The following PPP4R3B variants were observed in gnomAD, a reference collection of about 807,000 sequenced individuals.
PPP4R3B encodes serine/threonine-protein phosphatase 4 regulatory subunit 3B.
A neutral mutation model predicts 95.4 loss-of-function variants in PPP4R3B; 52 were observed. The ratio of observed to expected loss-of-function variants is 0.54; its 90% confidence interval spans 0.44 to 0.69. The LOEUF is 0.69. Ranked by LOEUF, PPP4R3B falls within the 30% of genes least tolerant of loss-of-function variation. PPP4R3B has a pLI of 0.00. For missense variants in PPP4R3B, 1,003 were observed against 1,005.9 expected (o/e 1.00, Z 0.04); for synonymous variants, 407 against 343.9 (o/e 1.18, Z -2.03).
chr2:55,585,132 T>G lies in PPP4R3B; in HGVS notation c.1152A>C (p.Thr384=). 2 of 1,610,886 alleles carry G rather than the reference T, an allele frequency of 1.2e-6. No homozygotes were observed. Among genetic ancestry groups the G allele is most frequent in the Non-Finnish European group, 1.7e-6 (2 of 1,178,784 alleles). Residue 384 remains threonine (T), a synonymous_variant, in exon 7 of 17, where the codon ACA becomes ACC. Transcript: ENST00000616407. ...ATTCTACTAGATAAGAAAATATATC[T>G]GTAGCAGCTGATCTGACTTGCAAAT... ...MDDLQVRSAA[T]DIFSYLVEFS...
intron 16 of PPP4R3B, among the ~76,000 whole-genome samples, chr2:55,556,423 A>G (rs1033906529): frequency 6.6e-6 from 1 of 152,222 alleles, no homozygotes; most frequent in Non-Finnish European, 1.5e-5. Flanking sequence ...AACAGAAAAT[A>G]TAACAGGAAA....
In PPP4R3B at chr2:55,598,865, G is replaced by C. The variant is rs143951318; in HGVS notation, c.472C>G (p.Arg158Gly). The change falls in exon 4 of 17, where the codon CGT (arginine) becomes GGT (glycine). Residue 158 changes from arginine (R) to glycine (G), a missense_variant. This residue lies in a region of PPP4R3B where 695 missense variants were observed against 686.2 expected (regional missense o/e 1.01). Transcript: ENST00000616407. Reference protein sequence around the residue: ...LVTSVLSSPIRREKLALALEN... With the variant: ...LVTSVLSSPIGREKLALALEN... ...AAGGCGAGAGCCAGCTTTTCCCTAC[G>C]GATAGGTGAGGAGAGCACTGAGGTA... is the stretch of plus-strand genomic sequence containing the variant. 5 of 1,614,152 alleles carry C rather than the reference G, an allele frequency of 3.1e-6. No individual in the cohort carries two copies. Among genetic ancestry groups the C allele is most frequent in the Non-Finnish European group, 1.7e-6 (2 of 1,180,032 alleles).
chr2:55,593,413 C>A (rs1691309528), intron 4 of PPP4R3B, among the ~76,000 whole-genome samples: 1 of 152,158 alleles, frequency 6.6e-6, no homozygotes, highest in Admixed American at 6.5e-5. Context: ...TTCGTACTAC[C>A]TCACTTCGGC....
intron 2 of PPP4R3B, among the ~76,000 whole-genome samples, chr2:55,612,056 A>G (rs1694243454): frequency 1.3e-5 from 2 of 152,200 alleles, no homozygotes; most frequent in Non-Finnish European, 1.5e-5. Flanking sequence ...TTAATACAGC[A>G]AAATGGCCTA....
At chr2:55,609,164 T>C (rs1398748081) in intron 2 of PPP4R3B, among the ~76,000 whole-genome samples, 2 of 152,184 alleles carry the variant, frequency 1.3e-5, no homozygotes, top group African/African-American at 2.4e-5. Context: ...TAAAAATTCA[T>C]AATTCATCTG....
chr2:55,579,569 T>G, intron 9 of PPP4R3B, 110 bp downstream of exon 9: 2 of 605,904 alleles, frequency 3.3e-6, no homozygotes, highest in East Asian at 6.4e-5. Flanking sequence ...AGTTTTTCAG[T>G]CGTAATCTCC....
chr2:55,582,159 G>T (rs1166263275), intron 7 of PPP4R3B, among the ~76,000 whole-genome samples: 1 of 152,060 alleles, frequency 6.6e-6, no homozygotes, highest in Admixed American at 6.6e-5. Flanking sequence ...AAGAAAAAAT[G>T]ACCAAAAATA....
chr2:55,597,848 T>C (rs1692018007), intron 4 of PPP4R3B, among the ~76,000 whole-genome samples: 1 of 152,190 alleles, frequency 6.6e-6, no homozygotes, highest in African/African-American at 2.4e-5. Flanking sequence ...AATTTTATGT[T>C]ATGTATATTC....
intron 16 of PPP4R3B, among the ~76,000 whole-genome samples, chr2:55,551,823 A>G (rs1685284242): frequency 7.0e-6 from 1 of 143,064 alleles, no homozygotes; most frequent in Non-Finnish European, 1.6e-5. Flanking sequence ...CTTCGTATGT[A>G]GTTAGTGTTC....
chr2:55,569,772 TCC>T (rs891669746), intron 12 of PPP4R3B, among the ~76,000 whole-genome samples: 1 of 151,990 alleles, frequency 6.6e-6, no homozygotes, highest in Non-Finnish European at 1.5e-5. Context: ...GTGGTAGTGG[TCC>T]CCCGGGCCCA....
intron 16 of PPP4R3B, among the ~76,000 whole-genome samples, chr2:55,551,363 A>C (rs372501683): frequency 3.3e-4 from 50 of 151,768 alleles, no homozygotes; most frequent in African/African-American, 7.7e-4. Flanking sequence ...ACAAAAAAAA[A>C]CACAAAACCT....
intron 16 of PPP4R3B, among the ~76,000 whole-genome samples, chr2:55,551,400 T>C (rs1198993031): frequency 6.6e-6 from 1 of 151,868 alleles, no homozygotes; most frequent in Non-Finnish European, 1.5e-5. Context: ...TACCTCTGCC[T>C]CAGTTTGTCT....
chr2:55,599,267 A>G (rs1814457), intron 3 of PPP4R3B, among the ~76,000 whole-genome samples: 142,036 of 151,958 alleles, frequency 0.93, 66,965 homozygotes, highest in African/African-American at 0.98. Flanking sequence ...GTGAAACCCC[A>G]ACTCCACTAA....
At position 55,586,638 on chromosome 2, in the gene PPP4R3B, G is replaced by A; in HGVS notation, c.1096C>T (p.Pro366Ser). 1 of 1,600,980 alleles carries A rather than the reference G, an allele frequency of 6.2e-7. No homozygotes were observed. ...FKTLAKLGIL[P>S]ALEIVMGMDD... ...ATTACCATTACAATTTCAAGAGCAG[G>A]AAGAATTCCCAATTTTGCCAATGTT... Residue 366 changes from proline to serine, a missense_variant, in exon 6 of 17, where the codon CCT (proline) becomes TCT (serine). By Grantham distance (74) the Pro-to-Ser change is moderately conservative. Transcript: ENST00000616407.
intron 4 of PPP4R3B, among the ~76,000 whole-genome samples, chr2:55,591,329 G>A (rs762584930): frequency 2.4e-5 from 3 of 127,090 alleles, no homozygotes; most frequent in South Asian, 4.2e-4. Flanking sequence ...TTGTACAGAT[G>A]GGGGGGTTTC....
In PPP4R3B at chr2:55,564,416, T is replaced by A. The variant is rs756214017; in HGVS notation, c.2157A>T (p.Glu719Asp). 6.2e-7 allele frequency: 1 copy of A among 1,613,926 alleles called. No individual in the cohort carries two copies. Among genetic ancestry groups the A allele is most frequent in the South Asian group, 1.1e-5 (1 of 91,066 alleles). ...LEEDEEMWFN[E>D]DEEEEGKAVV... is the part of the protein sequence containing the mutation. Reference sequence around the variant, plus strand: ...CTGCTTTTCCTTCCTCTTCTTCATCTTCATTAAACCACATTTCTTCATCCT... The same window carrying A: ...CTGCTTTTCCTTCCTCTTCTTCATCATCATTAAACCACATTTCTTCATCCT... Residue 719 changes from glutamate (E) to aspartate (D), a missense_variant, in exon 15 of 17, where the codon GAA becomes GAT. This residue lies in a region of PPP4R3B where 229 missense variants were observed against 194.7 expected (regional missense o/e 1.18). Coordinates refer to ENST00000616407, the MANE Select transcript of PPP4R3B (RefSeq NM_001122964.3).
chr2:55,598,910 C>A lies in PPP4R3B; in HGVS notation c.427G>T (p.Glu143Ter). 1 of 1,614,156 alleles carries A rather than the reference C, an allele frequency of 6.2e-7. No homozygotes were observed. The highest frequency in any genetic ancestry group is 8.5e-7 in the Non-Finnish European group (1 of 1,180,026). ...GAGGTAACTAAGTCAGCAATCTCTTCAAGTTTATTGAGTTCACATGTGGGC... is the reference window on the plus strand; with the variant it reads ...GAGGTAACTAAGTCAGCAATCTCTTAAAGTTTATTGAGTTCACATGTGGGC... ...DLPTCELNKL[E>*]EIADLVTSVL... The change falls in exon 4 of 17, where the codon GAA (glutamate) becomes TAA (stop). Residue 143 changes from glutamate (E) to a stop codon, truncating the protein, a stop_gained. Transcript: ENST00000616407. LOFTEE classifies it high-confidence loss of function.
At chr2:55,596,255 A>C (rs1691763019) in intron 4 of PPP4R3B, among the ~76,000 whole-genome samples, 1 of 152,214 alleles carries the variant, frequency 6.6e-6, no homozygotes, top group African/African-American at 2.4e-5. Context: ...CTGACTTTCA[A>C]GGTGAAAATA....
intron 7 of PPP4R3B, among the ~76,000 whole-genome samples, chr2:55,584,133 T>G (rs1433956951): frequency 6.6e-6 from 1 of 151,788 alleles, no homozygotes; most frequent in Admixed American, 6.6e-5. Flanking sequence ...GCAACAAGAG[T>G]GAACCTCTGT....
Sources: gnomAD v4.1 joint callset for allele counts (sites outside exome capture counted in the v4.1 genomes callset) on GRCh38, gnomAD v4.1.1 for gene constraint, gnomAD v4.1.1 regional missense constraint, MANE v1.5 for transcripts, NCBI Gene and HGNC (gene_info 2026-07-23, HGNC 2026-07-21) for gene names.